HGD: variants seen among roughly 807,000 people sequenced by gnomAD.
HGD encodes the protein homogentisate 1,2-dioxygenase.
A neutral mutation model predicts 60.8 loss-of-function variants in HGD; 61 were observed. The observed-to-expected ratio is 1.00, with a 90% CI of 0.82 to 1.24. The LOEUF is 1.24. HGD is among the 50% of genes most tolerant of loss of function. The probability of loss-of-function intolerance (pLI) is 0.00; values close to 1 mark genes in which losing one functional copy is unlikely to be tolerated. For synonymous variants in HGD, 212 were observed against 187.7 expected (o/e 1.13, Z -1.06); for missense variants, 542 against 547.1 (o/e 0.99, Z 0.09).
Position 120,638,596 on chromosome 3 carries a change from G to A in HGD, c.880-15C>T. ...ATGGATGGGTCCTGTGAACACACAA[G>A]GAGAGACTGAACGCATGATGCAAGG... On this transcript the variant is annotated splice_polypyrimidine_tract_variant and intron_variant, in intron 11 of 13. Transcript: ENST00000283871. The A allele has an allele frequency of 6.2e-7, 1 of 1,613,670 alleles. No homozygotes were observed. The highest frequency in any genetic ancestry group is 8.5e-7 in the Non-Finnish European group (1 of 1,179,814).
At chr3:120,671,754 T>C (rs1413294756) in intron 3 of HGD, among the ~76,000 whole-genome samples, 1 of 152,166 alleles carries the variant, frequency 6.6e-6, no homozygotes, top group Admixed American at 6.5e-5. Context: ...CCATCAATGA[T>C]AGACTGGATA....
chr3:120,630,609 T>C (rs1276676117), intron 13 of HGD, among the ~76,000 whole-genome samples: 1 of 151,786 alleles, frequency 6.6e-6, no homozygotes, highest in African/African-American at 2.4e-5. Flanking sequence ...CCATACACCA[T>C]ATAGAAAAAC....
At chr3:120,645,910 A>G (rs1051076506) in intron 9 of HGD, among the ~76,000 whole-genome samples, 13 of 152,152 alleles carry the variant, frequency 8.5e-5, no homozygotes, top group Admixed American at 5.2e-4. Context: ...ACTTTTCATA[A>G]AGAATTAGTC....
intron 12 of HGD, among the ~76,000 whole-genome samples, chr3:120,635,989 G>C (rs900860613): frequency 4.6e-5 from 7 of 151,774 alleles, no homozygotes; most frequent in African/African-American, 1.7e-4. Flanking sequence ...TGTAGATTCT[G>C]GCCAGCCATG....
At chr3:120,670,619 G>T in intron 3 of HGD, 87 bp from the exon 4 acceptor site, 1 of 815,488 alleles carries the variant, frequency 1.2e-6, no homozygotes, top group South Asian at 1.3e-5. Flanking sequence ...CCATCAGGAA[G>T]ACACTCAAGT....
rs72035804 is a variant in HGD at position 120,675,330 on chromosome 3, C to CT, written c.88-342dup. ...CCCTGTAATAATCAGGCATTTTTTCCTTTTTTTTTTTAAGAAATGAGGATT... is the reference window on the plus strand; with the variant it reads ...CCCTGTAATAATCAGGCATTTTTTCCTTTTTTTTTTTTAAGAAATGAGGATT... On this transcript the variant is annotated intron_variant, in intron 2 of 13. Transcript: ENST00000283871. 1.6e-3 allele frequency among the ~76,000 whole-genome samples: 242 copies of CT among 146,716 alleles called. 2 individuals carry two copies. The highest frequency in any genetic ancestry group is 0.012 in the East Asian group (61 of 5,010).
intron 4 of HGD, among the ~76,000 whole-genome samples, chr3:120,665,831 G>T (rs926441972): frequency 2.6e-5 from 4 of 152,188 alleles, no homozygotes; most frequent in African/African-American, 9.7e-5. Context: ...AGCTGATGAA[G>T]TATTGGATTT....
At chr3:120,651,362 C>G (rs1489691372) in intron 5 of HGD, among the ~76,000 whole-genome samples, 1 of 152,176 alleles carries the variant, frequency 6.6e-6, no homozygotes, top group East Asian at 1.9e-4. Context: ...CTGTAATTCT[C>G]TCTGCTGTGT....
chr3:120,661,414 T>G (rs986350452), intron 4 of HGD, among the ~76,000 whole-genome samples: 4 of 152,222 alleles, frequency 2.6e-5, no homozygotes, highest in Non-Finnish European at 5.9e-5. Context: ...TGAACCTCTC[T>G]GTGTGCCAGA....
intron 4 of HGD, among the ~76,000 whole-genome samples, chr3:120,657,437 T>A (rs1364100669): frequency 6.6e-6 from 1 of 152,182 alleles, no homozygotes; most frequent in Non-Finnish European, 1.5e-5. Context: ...AAACTGAAAT[T>A]CTTTAATTTA....
At chr3:120,642,920 TG>T (rs1212469073) in intron 10 of HGD, among the ~76,000 whole-genome samples, 2 of 152,138 alleles carry the variant, frequency 1.3e-5, no homozygotes, top group African/African-American at 4.8e-5. Context: ...AATGGATCAG[TG>T]GGGACTCACA....
At position 120,643,568 on chromosome 3, in the gene HGD, G is replaced by A. The variant is rs541181601; in HGVS notation, c.774+751C>T. ...TTTAAGTGCCAAACTGGTTGGCCTCGGCTGGTTGGCATTATCTCTAGATGC... is the reference window on the plus strand; with the variant it reads ...TTTAAGTGCCAAACTGGTTGGCCTCAGCTGGTTGGCATTATCTCTAGATGC... On this transcript the variant is annotated intron_variant, in intron 10 of 13. Coordinates refer to ENST00000283871, the MANE Select transcript of HGD (RefSeq NM_000187.4). Among the ~76,000 whole-genome samples, 4 of 152,246 alleles carry A rather than the reference G, an allele frequency of 2.6e-5. No homozygotes were observed. The East Asian group carries it at 5.8e-4, about 22-fold the overall frequency.
intron 12 of HGD, 196 bp from the exon 13 acceptor site, chr3:120,633,524 C>T (rs1044294507): frequency 3.3e-6 from 5 of 1,501,786 alleles, no homozygotes; most frequent in Non-Finnish European, 4.4e-6. Flanking sequence ...AGGCACAGCT[C>T]TACTCCATGG....
chr3:120,678,313 T>G (rs937899330), intron 1 of HGD, among the ~76,000 whole-genome samples: 4 of 152,200 alleles, frequency 2.6e-5, no homozygotes, highest in Non-Finnish European at 5.9e-5. Flanking sequence ...TTATCTTCAA[T>G]TCTGTGAAAT....
intron 12 of HGD, among the ~76,000 whole-genome samples, chr3:120,637,043 T>C (rs1940804432): frequency 6.6e-6 from 1 of 152,238 alleles, no homozygotes; most frequent in South Asian, 2.1e-4. Context: ...GATTTTCAGC[T>C]AGCTATTGCA....
intron 5 of HGD, among the ~76,000 whole-genome samples, chr3:120,652,136 C>A (rs903881977): frequency 6.6e-6 from 1 of 152,094 alleles, no homozygotes; most frequent in Non-Finnish European, 1.5e-5. Flanking sequence ...AGCACATTAA[C>A]AAGAAAGCAC....
In HGD at chr3:120,660,550, C is replaced by G. The variant is rs139490148; in HGVS notation, c.283-7899G>C. Among the ~76,000 whole-genome samples the G allele has an allele frequency of 5.8e-3, 889 of 152,296 alleles. 11 individuals carry two copies. Among genetic ancestry groups the G allele is most frequent in the African/African-American group, 0.02 (837 of 41,566 alleles). On this transcript the variant is annotated intron_variant, in intron 4 of 13. Transcript: ENST00000283871. ...ATTTCTAAAAGTCTTTCAGGCCAAGCGAGGTGGTTCACGCCTGTAATCCCA... is the reference window on the plus strand; with the variant it reads ...ATTTCTAAAAGTCTTTCAGGCCAAGGGAGGTGGTTCACGCCTGTAATCCCA...
intron 10 of HGD, among the ~76,000 whole-genome samples, chr3:120,642,317 C>T (rs1351615653): frequency 2.6e-5 from 4 of 152,118 alleles, no homozygotes; most frequent in Non-Finnish European, 4.4e-5. Context: ...TTAATGAAGG[C>T]GCTACTCATA....
At chr3:120,631,853 T>C (rs1378423887) in intron 13 of HGD, among the ~76,000 whole-genome samples, 1 of 152,174 alleles carries the variant, frequency 6.6e-6, no homozygotes, top group Non-Finnish European at 1.5e-5. Flanking sequence ...TCTTTCTCAC[T>C]AGTAATTCAA....
Sources: gnomAD v4.1 joint callset for allele counts (sites outside exome capture counted in the v4.1 genomes callset) on GRCh38, gnomAD v4.1.1 for gene constraint, MANE v1.5 for transcripts, NCBI Gene and HGNC (gene_info 2026-07-23, HGNC 2026-07-21) for gene names.